SPP1: variants seen among roughly 807,000 people sequenced by gnomAD.
SPP1 encodes secreted phosphoprotein 1.
Under a neutral mutation model 20.8 loss-of-function variants are expected in SPP1, and 18 were observed. The ratio of observed to expected loss-of-function variants is 0.87; its 90% CI spans 0.60 to 1.29. SPP1 has a LOEUF of 1.29. Among genes scored for constraint, SPP1 ranks in the 50% most tolerant of loss-of-function variants. The probability of loss-of-function intolerance (pLI) is 0.00; values close to 1 mark genes in which losing one functional copy is unlikely to be tolerated. For synonymous variants in SPP1, 146 were observed against 141.5 expected (o/e 1.03, Z -0.23); for missense variants, 363 against 389.0 (o/e 0.93, Z 0.56).
At position 87,980,377 on chromosome 4, in the gene SPP1, G is replaced by A. The variant is rs1367333306; in HGVS notation, c.175-16G>A. On this transcript the variant is annotated splice_polypyrimidine_tract_variant and intron_variant, in intron 4 of 6. Transcript: ENST00000395080. Reference sequence around the variant, plus strand: ...GCATGTGTGATGCGCACTAACACGTGCCATTCCTTCTTCAGAATGCTGTGT... The same window carrying A: ...GCATGTGTGATGCGCACTAACACGTACCATTCCTTCTTCAGAATGCTGTGT... 2 of 1,613,840 alleles carry A rather than the reference G, an allele frequency of 1.2e-6. No homozygotes were observed. The highest frequency in any genetic ancestry group is 2.7e-5 in the African/African-American group (2 of 74,934).
chr4:87,980,867 T>C (rs1725613414), intron 5 of SPP1, among the ~76,000 whole-genome samples: 2 of 152,212 alleles, frequency 1.3e-5, no homozygotes, highest in Admixed American at 1.3e-4. Flanking sequence ...TAAGATTCAA[T>C]TTGAATATAC....
intron 3 of SPP1, among the ~76,000 whole-genome samples, chr4:87,978,692 C>T (rs1042871169): frequency 1.3e-5 from 2 of 152,008 alleles, no homozygotes; most frequent in African/African-American, 4.8e-5. Flanking sequence ...GTTTTTTCAT[C>T]TTCTTAAAGC....
rs1161490546 is a variant in SPP1 at position 87,975,819 on chromosome 4, A to G, written c.-15+19A>G. 1 of 152,286 alleles carries G rather than the reference A, an allele frequency of 6.6e-6. No individual in the cohort carries two copies. The highest frequency in any genetic ancestry group is 1.5e-5 in the Non-Finnish European group (1 of 68,086). 9.4% of individuals were successfully genotyped at this position (152,286 alleles called of 1,614,324 possible). ...GACCAAGGTACAGCTTCAGTTTGCT[A>G]CTGGGTTGTGCATTCAGCTGAATTT... On this transcript the variant is annotated intron_variant, in intron 1 of 6. Transcript: ENST00000395080.
At chr4:87,977,183 C>T (rs960860076) in intron 3 of SPP1, 86 bp downstream of exon 3, 2 of 1,314,174 alleles carry the variant, frequency 1.5e-6, no homozygotes, top group East Asian at 2.3e-5. Context: ...TGCGATATTA[C>T]TTATCTTCTC....
chr4:87,977,243 T>C lies in SPP1; in HGVS notation c.93+146T>C, dbSNP rs1725416749. On this transcript the variant is annotated intron_variant, in intron 3 of 6. Transcript: ENST00000395080. ...ATTGATTGACTGCCTGCTATGAATC[T>C]AGGCCAGTACCAAGCACAGTATAGT... is the stretch of plus-strand genomic sequence containing the variant. 6.1e-6 allele frequency: 5 copies of C among 813,048 alleles called. No homozygotes were observed. The South Asian group carries it at 8.1e-5, about 13-fold the overall frequency. 50.4% of individuals were successfully genotyped at this position (813,048 alleles called of 1,614,324 possible). A position where few individuals can be genotyped will look rare whatever the true frequency, so the allele number is the denominator to read the frequency against.
rs4660 is a variant in SPP1 at position 87,982,853 on chromosome 4, G to A, written c.902G>A (p.Arg301His). 4.5e-3 allele frequency: 7,235 copies of A among 1,613,936 alleles called. 240 individuals are homozygous for A. The African/African-American group carries it at 0.077, about 17-fold the overall frequency. ...GAAGAAGATAAACACCTGAAATTTC[G>A]TATTTCTCATGAATTAGATAGTGCA... Reference protein sequence around the residue: ...SKEEDKHLKFRISHELDSASS... With the variant: ...SKEEDKHLKFHISHELDSASS... The change falls in exon 7 of 7, where the codon CGT becomes CAT. Residue 301 changes from arginine (R) to histidine (H), a missense_variant. Transcript: ENST00000395080.
At chr4:87,977,786 A>G in intron 3 of SPP1, 1 of 1,286,606 alleles carries the variant, frequency 7.8e-7, no homozygotes, top group Non-Finnish European at 1.0e-6. Flanking sequence ...AACAGAATAA[A>G]GGCCAAAATA....
intron 3 of SPP1, 141 bp from the exon 4 acceptor site, chr4:87,979,905 A>C (rs1041018957): frequency 2.4e-5 from 7 of 292,096 alleles, no homozygotes; most frequent in African/African-American, 6.6e-5. Flanking sequence ...ATGAATCTGC[A>C]AAAAAAAAAA....
In SPP1 at chr4:87,977,590, A is replaced by G. The variant is rs969606919; in HGVS notation, c.93+493A>G. On this transcript the variant is annotated intron_variant, in intron 3 of 6. Coordinates refer to ENST00000395080, the MANE Select transcript of SPP1 (RefSeq NM_001040058.2). ...GCTGTTTGTATCTATTGTGATTGTC[A>G]GCTGATGTTAGATCACATTTTCTAA... 4.7e-5 allele frequency: 45 copies of G among 966,120 alleles called. No homozygotes were observed. The African/African-American group carries it at 7.3e-4, about 16-fold the overall frequency. 59.8% of individuals were successfully genotyped at this position (966,120 alleles called of 1,614,324 possible).
intron 1 of SPP1, among the ~76,000 whole-genome samples, chr4:87,976,095 C>T (rs1022149467): frequency 6.6e-6 from 1 of 152,040 alleles, no homozygotes; most frequent in Non-Finnish European, 1.5e-5. Context: ...AATAATTATA[C>T]CTATATAATT....
intron 3 of SPP1, 58 bp downstream of exon 3, chr4:87,977,155 T>C: frequency 6.5e-7 from 1 of 1,530,954 alleles, no homozygotes; most frequent in South Asian, 1.1e-5. Context: ...TGGCGAGAGG[T>C]GCAAGAAACG....
Position 87,982,622 on chromosome 4 carries a change from G to A in SPP1, c.671G>A (p.Ser224Asn), listed in dbSNP as rs7435825. Residue 224 changes from serine to asparagine, a missense_variant, in exon 7 of 7, where the codon AGT becomes AAT. Ser to Asn is a conservative substitution (Grantham distance 46). Transcript: ENST00000395080. ...PSDWDSRGKD[S>N]YETSQLDDQS... ...GATTGGGACAGCCGTGGGAAGGACA[G>A]TTATGAAACGAGTCAGCTGGATGAC... The A allele has an allele frequency of 8.2e-3, 13,297 of 1,614,054 alleles. 918 individuals are homozygous for A. In the African/African-American group the frequency reaches 0.15, roughly 19 times the overall value.
At position 87,983,035 on chromosome 4, in the gene SPP1, ATGTG is replaced by A; in HGVS notation, c.*141_*144del. On this transcript the variant is annotated 3_prime_UTR_variant, in exon 7 of 7. Transcript: ENST00000395080. ...ATCTATTTGAGTCTGGAAATAACTAATGTGTTTGATAATTAGTTTAGTTTGTGGC... is the reference window on the plus strand; with the variant it reads ...ATCTATTTGAGTCTGGAAATAACTAATTTGATAATTAGTTTAGTTTGTGGC... The A allele has an allele frequency of 1.2e-6, 1 of 867,802 alleles. No individual in the cohort carries two copies. Among genetic ancestry groups the A allele is most frequent in the South Asian group, 1.9e-5 (1 of 52,706 alleles). 53.8% of individuals were successfully genotyped at this position (867,802 alleles called of 1,614,324 possible). A position where few individuals can be genotyped will look rare whatever the true frequency, so the allele number is the denominator to read the frequency against.
At chr4:87,981,887 C>T in intron 6 of SPP1, 89 bp downstream of exon 6, 4 of 1,110,694 alleles carry the variant, frequency 3.6e-6, no homozygotes. Flanking sequence ...TTCATTCATC[C>T]ATTCATTCAT....
chr4:87,980,559 G>C, intron 5 of SPP1, 125 bp downstream of exon 5: 1 of 969,442 alleles, frequency 1.0e-6, no homozygotes, highest in Admixed American at 2.9e-5. Context: ...TCTAAAACTT[G>C]CTCATAAATA....
intron 3 of SPP1, chr4:87,977,601 G>T: frequency 9.6e-7 from 1 of 1,038,208 alleles, no homozygotes; most frequent in Non-Finnish European, 1.2e-6. Flanking sequence ...GCTGATGTTA[G>T]ATCACATTTT....
chr4:87,977,686 A>G (rs1389345843), intron 3 of SPP1: 1 of 1,256,026 alleles, frequency 8.0e-7, no homozygotes, highest in Non-Finnish European at 1.0e-6. Flanking sequence ...CTACCCCTCC[A>G]CAACAGATGA....
chr4:87,977,401 A>T (rs538189348), intron 3 of SPP1, among the ~76,000 whole-genome samples: 6 of 152,346 alleles, frequency 3.9e-5, no homozygotes, highest in Non-Finnish European at 7.3e-5. Context: ...TAGTCCACAT[A>T]CTGATCTAAA....
At chr4:87,979,615 T>A (rs550264438) in intron 3 of SPP1, among the ~76,000 whole-genome samples, 1 of 152,224 alleles carries the variant, frequency 6.6e-6, no homozygotes, top group Non-Finnish European at 1.5e-5. Flanking sequence ...CTGGTTTAGA[T>A]GTGCTTTATC....
Sources: allele counts gnomAD v4.1 joint callset (sites outside exome capture counted in the v4.1 genomes callset), GRCh38; gene constraint gnomAD v4.1.1; transcripts MANE v1.5; gene names NCBI Gene and HGNC (gene_info 2026-07-23, HGNC 2026-07-21).